TRIO: variants seen among roughly 807,000 people sequenced by gnomAD.
TRIO encodes triple functional domain protein.
A neutral mutation model predicts 351.9 loss-of-function variants in TRIO; 58 were observed. The ratio of observed to expected loss-of-function variants is 0.16; its 90% CI spans 0.13 to 0.21. The LOEUF (loss-of-function observed/expected upper bound fraction) is 0.21, where lower values mean the gene tolerates loss of function less well. TRIO is among the 10% of genes least tolerant of loss of function. The probability of loss-of-function intolerance (pLI) is 1.00; values close to 1 mark genes in which losing one functional copy is unlikely to be tolerated. For synonymous variants in TRIO, 1,758 were observed against 1,595.7 expected (o/e 1.10, Z -2.42); for missense variants, 3,201 against 4,027.8 (o/e 0.79, Z 5.56).
In TRIO at chr5:14,420,161, G is replaced by A. The variant is rs142064423; in HGVS notation, c.5203+140G>A. 3.0e-3 allele frequency: 3,966 copies of A among 1,311,788 alleles called. 15 individuals carry two copies. The highest frequency in any genetic ancestry group is 3.8e-3 in the Non-Finnish European group (3,630 of 967,350). The allele number at this position is 1,311,788 out of a possible 1,614,324, so 81.3% of individuals were successfully genotyped here. A position where few individuals can be genotyped will look rare whatever the true frequency, so the allele number is the denominator to read the frequency against. Reference sequence around the variant, plus strand: ...TTCAGCACATGGTCACTGACTGTCCGGGCATTTCCAGTCCATCAGCACCTG... The same window carrying A: ...TTCAGCACATGGTCACTGACTGTCCAGGCATTTCCAGTCCATCAGCACCTG... On this transcript the variant is annotated intron_variant, in intron 34 of 56. Transcript: ENST00000344204.
intron 34 of TRIO, among the ~76,000 whole-genome samples, chr5:14,446,211 C>T (rs1752429427): frequency 6.6e-6 from 1 of 151,170 alleles, no homozygotes; most frequent in African/African-American, 2.4e-5. Context: ...GGGAAGAGTT[C>T]CTCACAGGAA....
intron 9 of TRIO, 42 bp from the exon 10 acceptor site, chr5:14,330,736 G>A: frequency 1.2e-6 from 2 of 1,606,470 alleles, no homozygotes; most frequent in Middle Eastern, 1.7e-4. Context: ...GAACATGGCA[G>A]GACATTGTTT....
At chr5:14,481,112 G>A (rs1755478684) in intron 43 of TRIO, 122 bp from the exon 44 acceptor site, 1 of 1,008,604 alleles carries the variant, frequency 9.9e-7, no homozygotes, top group Non-Finnish European at 1.5e-6. Context: ...GATCACTTGA[G>A]GCCAGGAGTT....
chr5:14,420,754 T>A (rs1325836893), intron 34 of TRIO: 2 of 152,490 alleles, frequency 1.3e-5, no homozygotes, highest in African/African-American at 4.8e-5. Context: ...TGCATCAATA[T>A]AAGTCCTTGA....
chr5:14,247,713 A>G (rs886168617), intron 1 of TRIO, among the ~76,000 whole-genome samples: 2 of 152,330 alleles, frequency 1.3e-5, no homozygotes, highest in African/African-American at 4.8e-5. Context: ...AATAAAGTTG[A>G]TAAGTTGGAA....
chr5:14,403,881 A>AGGTGGTGGTGAGGGTGCAGGT (rs1748456495), intron 31 of TRIO, among the ~76,000 whole-genome samples: 2 of 71,652 alleles, frequency 2.8e-5, no homozygotes, highest in Non-Finnish European at 2.6e-5. Flanking sequence ...GTGAGGGTGC[A>AGGTGGTGGTGAGGGTGCAGGT]GGTGGTGGTG....
At chr5:14,376,317 T>C (rs1745554210) in intron 19 of TRIO, among the ~76,000 whole-genome samples, 1 of 152,226 alleles carries the variant, frequency 6.6e-6, no homozygotes, top group African/African-American at 2.4e-5. Context: ...TTCATAAACT[T>C]CTAGAGCAAA....
rs373475229 is a variant in TRIO, at chr5:14,433,115, ATAGT to A, written c.5203+13097_5203+13100del. On this transcript the variant is annotated intron_variant, in intron 34 of 56. Coordinates refer to ENST00000344204, the MANE Select transcript of TRIO (RefSeq NM_007118.4). Reference sequence around the variant, plus strand: ...TGCTGGTGCAAACAGAGAATGTCACATAGTTAAAGTGAAATGTAAAAAAGGAGTA... The same window carrying A: ...TGCTGGTGCAAACAGAGAATGTCACATAAAGTGAAATGTAAAAAAGGAGTA... Among the ~76,000 whole-genome samples the A allele has an allele frequency of 2.2e-3, 335 of 152,366 alleles. 2 individuals are homozygous for A. Among genetic ancestry groups the A allele is most frequent in the Middle Eastern group, 6.8e-3 (2 of 294 alleles).
At chr5:14,397,888 A>T (rs1747745283) in intron 29 of TRIO, among the ~76,000 whole-genome samples, 1 of 151,912 alleles carries the variant, frequency 6.6e-6, no homozygotes, top group African/African-American at 2.4e-5. Context: ...GTCATCCAGG[A>T]CCCAGGCTGT....
intron 55 of TRIO, among the ~76,000 whole-genome samples, chr5:14,505,385 T>C (rs1004155569): frequency 6.6e-6 from 1 of 152,314 alleles, no homozygotes; most frequent in Middle Eastern, 3.4e-3. Flanking sequence ...TGTCGATTCC[T>C]CCTTTTTAGG....
chr5:14,220,431 C>CT (rs1481079482), intron 1 of TRIO, among the ~76,000 whole-genome samples: 2 of 152,154 alleles, frequency 1.3e-5, no homozygotes, highest in Non-Finnish European at 2.9e-5. Context: ...ACTATGGCCT[C>CT]TAAGTGTTCA....
In TRIO at chr5:14,498,536, C is replaced by G; in HGVS notation, c.8228C>G (p.Thr2743Arg). The G allele has an allele frequency of 1.2e-6, 2 of 1,614,116 alleles. No individual in the cohort carries two copies. The highest frequency in any genetic ancestry group is 1.7e-6 in the Non-Finnish European group (2 of 1,179,974). Residue 2743 changes from threonine to arginine, a missense_variant, in exon 53 of 57, where the codon ACG (threonine) becomes AGG (arginine). By Grantham distance (71) the Thr-to-Arg change is moderately conservative. Coordinates refer to ENST00000344204, the MANE Select transcript of TRIO (RefSeq NM_007118.4). ...SISYSDLGEATLKIVGVTTED... is the reference protein window; with the variant it reads ...SISYSDLGEARLKIVGVTTED... The stretch of plus-strand genomic sequence containing the variant: ...TGCCGCAGTGACCTGGGAGAGGCCA[C>G]GCTGAAGATTGTGGGCGTGACCACG...
intron 1 of TRIO, among the ~76,000 whole-genome samples, chr5:14,253,004 C>T (rs1002051304): frequency 6.6e-6 from 1 of 152,228 alleles, no homozygotes; most frequent in Non-Finnish European, 1.5e-5. Context: ...TTACAATTAG[C>T]CATTCATTTA....
At chr5:14,408,509 T>C (rs965852163) in intron 33 of TRIO, among the ~76,000 whole-genome samples, 1 of 152,228 alleles carries the variant, frequency 6.6e-6, no homozygotes, top group Non-Finnish European at 1.5e-5. Context: ...ATAAATGACA[T>C]GTTCAGGCAT....
Position 14,405,886 on chromosome 5 carries a change from T to C in TRIO, c.4755T>C (p.His1585=). 1 of 1,613,956 alleles carries C rather than the reference T, an allele frequency of 6.2e-7. No individual in the cohort carries two copies. The highest frequency in any genetic ancestry group is 2.2e-5 in the East Asian group (1 of 44,848). Residue 1585 remains histidine, a synonymous_variant, in exon 32 of 57, where the codon CAT becomes CAC. Coordinates refer to ENST00000344204, the MANE Select transcript of TRIO (RefSeq NM_007118.4). ...SIENKQDWIK[H]IREVIQERTI... ...AGAACAAGCAGGACTGGATAAAGCATATCCGCGAAGTCATCCAGGAGCGGA... is the reference window on the plus strand; with the variant it reads ...AGAACAAGCAGGACTGGATAAAGCACATCCGCGAAGTCATCCAGGAGCGGA...
At chr5:14,243,646 TC>T (rs1554040209) in intron 1 of TRIO, among the ~76,000 whole-genome samples, 14 of 152,208 alleles carry the variant, frequency 9.2e-5, no homozygotes. Flanking sequence ...AACTAGTTTT[TC>T]CCCAGCATTT....
intron 8 of TRIO, among the ~76,000 whole-genome samples, chr5:14,306,108 G>A (rs1034229887): frequency 2.0e-5 from 3 of 149,480 alleles, no homozygotes; most frequent in Non-Finnish European, 3.0e-5. Context: ...CTGATACCAC[G>A]TGATGTCTAA....
At chr5:14,362,561 A>G (rs1162023691) in intron 13 of TRIO, among the ~76,000 whole-genome samples, 1 of 152,182 alleles carries the variant, frequency 6.6e-6, no homozygotes, top group Admixed American at 6.5e-5. Flanking sequence ...CAGATCCCAC[A>G]TTCAGTGTTT....
At chr5:14,399,441 T>G (rs964608003) in intron 30 of TRIO, 2 of 287,466 alleles carry the variant, frequency 7.0e-6, no homozygotes, top group South Asian at 1.3e-4. Context: ...CCATAAACAT[T>G]GGAGTATATG....
Sources: allele counts gnomAD v4.1 joint callset (sites outside exome capture counted in the v4.1 genomes callset), GRCh38; gene constraint gnomAD v4.1.1; transcripts MANE v1.5; gene names NCBI Gene and HGNC (gene_info 2026-07-23, HGNC 2026-07-21).